Variants in HS3ST4 observed in about 807,000 individuals in gnomAD.
HS3ST4 encodes heparan sulfate glucosamine 3-O-sulfotransferase 4.
A neutral mutation model predicts 29.2 loss-of-function variants in HS3ST4; 17 were observed. That is an observed-to-expected ratio of 0.58 (90% CI 0.40 to 0.87). The LOEUF (loss-of-function observed/expected upper bound fraction) is 0.87, where lower values mean the gene tolerates loss of function less well. Among genes scored for constraint, HS3ST4 ranks in the 40% least tolerant of loss-of-function variants. The pLI, the probability that HS3ST4 is intolerant of heterozygous loss-of-function variation, is 0.00. For synonymous variants in HS3ST4, 314 were observed against 285.7 expected (o/e 1.10, Z -1.00); for missense variants, 627 against 634.5 (o/e 0.99, Z 0.13).
At chr16:26,111,116 G>A (rs1416676355) in intron 1 of HS3ST4, among the ~76,000 whole-genome samples, 1 of 151,956 alleles carries the variant, frequency 6.6e-6, no homozygotes, top group Non-Finnish European at 1.5e-5. Context: ...AGGCTAGAAT[G>A]CTGTTGTGCG....
At chr16:25,807,253 C>T (rs1966999210) in intron 1 of HS3ST4, among the ~76,000 whole-genome samples, 1 of 152,180 alleles carries the variant, frequency 6.6e-6, no homozygotes. Flanking sequence ...GGATTACAGG[C>T]GTGAGCCACC....
intron 1 of HS3ST4, among the ~76,000 whole-genome samples, chr16:26,009,642 G>A (rs1969292350): frequency 6.6e-6 from 1 of 152,214 alleles, no homozygotes; most frequent in Non-Finnish European, 1.5e-5. Flanking sequence ...GTTGCATGGA[G>A]ACTGTGGTCA....
At chr16:25,986,346 A>G (rs1037614071) in intron 1 of HS3ST4, among the ~76,000 whole-genome samples, 3 of 152,168 alleles carry the variant, frequency 2.0e-5, no homozygotes, top group African/African-American at 4.8e-5. Flanking sequence ...CAACACTTCT[A>G]TTAGGTTGGC....
chr16:25,922,787 G>C (rs1968366450), intron 1 of HS3ST4, among the ~76,000 whole-genome samples: 1 of 152,196 alleles, frequency 6.6e-6, no homozygotes, highest in Non-Finnish European at 1.5e-5. Flanking sequence ...CTGAATTCCA[G>C]TCTCTGAGCA....
chr16:26,100,193 C>T (rs1321297674), intron 1 of HS3ST4, among the ~76,000 whole-genome samples: 3 of 152,148 alleles, frequency 2.0e-5, no homozygotes, highest in Non-Finnish European at 4.4e-5. Flanking sequence ...GGGTACTATG[C>T]TCACTATCTG....
At chr16:25,828,242 C>CTCTTTCTATCTTTCTT (rs1967244527) in intron 1 of HS3ST4, among the ~76,000 whole-genome samples, 1 of 75,016 alleles carries the variant, frequency 1.3e-5, no homozygotes, top group Admixed American at 1.5e-4. Context: ...TTCTTTCTTT[C>CTCTTTCTATCTTTCTT]TCTTTCTTTC....
chr16:25,873,512 ATCTATCTATCTG>A (rs1480949147), intron 1 of HS3ST4, among the ~76,000 whole-genome samples: 96 of 134,078 alleles, frequency 7.2e-4, no homozygotes, highest in South Asian at 6.7e-3. Context: ...CTATCTATCT[ATCTATCTATCTG>A]TCTATCTATC....
intron 1 of HS3ST4, among the ~76,000 whole-genome samples, chr16:25,701,112 C>A (rs1966331748): frequency 6.6e-6 from 1 of 152,150 alleles, no homozygotes; most frequent in South Asian, 2.1e-4. Flanking sequence ...CATTCTTTGC[C>A]GTGTTTGTCT....
At chr16:25,704,102 A>G (rs1386708006) in intron 1 of HS3ST4, among the ~76,000 whole-genome samples, 1 of 152,244 alleles carries the variant, frequency 6.6e-6, no homozygotes, top group Non-Finnish European at 1.5e-5. Flanking sequence ...ATTAATCACC[A>G]ATGATAAATC....
Position 26,058,333 on chromosome 16 carries a change from T to C in HS3ST4, c.735-77279T>C, listed in dbSNP as rs112995516. Among the ~76,000 whole-genome samples the C allele has an allele frequency of 3.6e-3, 554 of 152,298 alleles. 5 individuals carry two copies. Among genetic ancestry groups the C allele is most frequent in the African/African-American group, 0.013 (533 of 41,562 alleles). ...GTCAAAAGAAGAAAAAGAAATCAGG[T>C]CCCAAAGTGATGGTAATATTTTTAG... On this transcript the variant is annotated intron_variant, in intron 1 of 1. Coordinates refer to ENST00000331351, the MANE Select transcript of HS3ST4 (RefSeq NM_006040.3).
chr16:25,706,488 G>A (rs1017884420), intron 1 of HS3ST4, among the ~76,000 whole-genome samples: 44 of 151,986 alleles, frequency 2.9e-4, no homozygotes, highest in Non-Finnish European at 2.9e-5. Flanking sequence ...TAGGTTTTAA[G>A]CCCGGCATGC....
At chr16:26,075,248 C>G (rs984482382) in intron 1 of HS3ST4, among the ~76,000 whole-genome samples, 11 of 152,242 alleles carry the variant, frequency 7.2e-5, no homozygotes, top group African/African-American at 2.6e-4. Context: ...CCAGACCAAC[C>G]CTTTTCCTGA....
At chr16:25,958,585 C>T (rs1968760348) in intron 1 of HS3ST4, among the ~76,000 whole-genome samples, 1 of 152,220 alleles carries the variant, frequency 6.6e-6, no homozygotes, top group Admixed American at 6.5e-5. Context: ...CCTTCCTTGG[C>T]CTCCCAGAGT....
intron 1 of HS3ST4, among the ~76,000 whole-genome samples, chr16:25,983,392 A>T (rs1182774742): frequency 6.6e-6 from 1 of 152,212 alleles, no homozygotes; most frequent in East Asian, 1.9e-4. Flanking sequence ...ATCAAATGGG[A>T]TGACGTGCAT....
intron 1 of HS3ST4, among the ~76,000 whole-genome samples, chr16:26,068,249 C>G (rs1373715469): frequency 6.6e-6 from 1 of 152,126 alleles, no homozygotes; most frequent in African/African-American, 2.4e-5. Context: ...ACAGATTAAC[C>G]CAATCCCCTG....
intron 1 of HS3ST4, among the ~76,000 whole-genome samples, chr16:25,737,132 T>G (rs890297246): frequency 1.3e-5 from 2 of 152,168 alleles, no homozygotes; most frequent in Non-Finnish European, 2.9e-5. Context: ...GAAAATGCGG[T>G]GCATGTGCAC....
intron 1 of HS3ST4, among the ~76,000 whole-genome samples, chr16:25,977,290 G>A (rs1221801139): frequency 1.3e-5 from 2 of 152,124 alleles, no homozygotes; most frequent in African/African-American, 4.8e-5. Context: ...TAATGCTTTT[G>A]CTTCCCTTGC....
intron 1 of HS3ST4, among the ~76,000 whole-genome samples, chr16:26,072,381 T>C (rs945770155): frequency 6.6e-6 from 1 of 152,164 alleles, no homozygotes; most frequent in Admixed American, 6.5e-5. Flanking sequence ...GAGCTGGTGA[T>C]AGCTTTGGTG....
At chr16:26,025,863 C>T (rs927417299) in intron 1 of HS3ST4, among the ~76,000 whole-genome samples, 22 of 152,204 alleles carry the variant, frequency 1.4e-4, no homozygotes, top group African/African-American at 5.3e-4. Flanking sequence ...GTAACCTCTG[C>T]CTCCCGGATT....
Sources: allele counts gnomAD v4.1 joint callset (sites outside exome capture counted in the v4.1 genomes callset), GRCh38; gene constraint gnomAD v4.1.1; transcripts MANE v1.5; gene names NCBI Gene and HGNC (gene_info 2026-07-23, HGNC 2026-07-21).